The following NXPH1 variants were observed in gnomAD, a reference collection of about 807,000 sequenced individuals.
The protein encoded by NXPH1 is neurexophilin-1.
A neutral mutation model predicts 23.7 loss-of-function variants in NXPH1; 5 were observed. That is an observed-to-expected ratio of 0.21 (90% confidence interval 0.11 to 0.44). The LOEUF (loss-of-function observed/expected upper bound fraction) is 0.44, where lower values mean the gene tolerates loss of function less well. Among genes scored for constraint, NXPH1 ranks in the 20% least tolerant of loss-of-function variants. The probability of loss-of-function intolerance (pLI) is 0.99; values close to 1 mark genes in which losing one functional copy is unlikely to be tolerated. For missense variants in NXPH1, 324 were observed against 321.6 expected, an observed-to-expected ratio of 1.01 and a Z score of -0.06; for synonymous variants, 144 against 122.2, an observed-to-expected ratio of 1.18 and a Z score of -1.18.
chr7:8,551,764 G>A (rs1014524793), intron 2 of NXPH1, among the ~76,000 whole-genome samples: 1 of 151,258 alleles, frequency 6.6e-6, no homozygotes, highest in Non-Finnish European at 1.5e-5. Flanking sequence ...GCATTATAAC[G>A]ACTTTGAAGA....
At chr7:8,511,363 C>T (rs200433313) in intron 2 of NXPH1, among the ~76,000 whole-genome samples, 1 of 152,112 alleles carries the variant, frequency 6.6e-6, no homozygotes, top group South Asian at 2.1e-4. Flanking sequence ...CATTTCCTTT[C>T]TGCATGTGGA....
intron 2 of NXPH1, among the ~76,000 whole-genome samples, chr7:8,678,831 G>A (rs1164155203): frequency 6.6e-6 from 1 of 150,680 alleles, no homozygotes; most frequent in Non-Finnish European, 1.5e-5. Flanking sequence ...CCACAGCAGA[G>A]TTGCTTTGGA....
chr7:8,462,922 A>C (rs1816719387), intron 2 of NXPH1, among the ~76,000 whole-genome samples: 1 of 152,212 alleles, frequency 6.6e-6, no homozygotes, highest in African/African-American at 2.4e-5. Context: ...TAGACTAATA[A>C]AATCTCAAAG....
At chr7:8,567,454 T>G (rs531100260) in intron 2 of NXPH1, among the ~76,000 whole-genome samples, 1 of 152,074 alleles carries the variant, frequency 6.6e-6, no homozygotes. Context: ...GTATCTGATA[T>G]GCAATCCTTA....
rs761902073 is a variant in NXPH1, at chr7:8,442,051, C to T, written c.54+6284C>T. Among the ~76,000 whole-genome samples the T allele has an allele frequency of 2.6e-5, 4 of 152,034 alleles. No homozygotes were observed. Among genetic ancestry groups the T allele is most frequent in the Non-Finnish European group, 5.9e-5 (4 of 68,024 alleles). On this transcript the variant is annotated intron_variant, in intron 2 of 2. Transcript: ENST00000405863. This position sits in a 1 kb window ranked among gnomAD's most constrained non-coding sequence, Gnocchi z 4.6. ...AGCGAGATGGCGTTGGGAGCCAGGGCGTTGGGACGGCACAAGCAGTGGGGT... is the reference window on the plus strand; with the variant it reads ...AGCGAGATGGCGTTGGGAGCCAGGGTGTTGGGACGGCACAAGCAGTGGGGT...
At chr7:8,659,388 A>G (rs536355427) in intron 2 of NXPH1, among the ~76,000 whole-genome samples, 3 of 152,304 alleles carry the variant, frequency 2.0e-5, no homozygotes, top group Non-Finnish European at 2.9e-5. Flanking sequence ...GATGTGTTCA[A>G]ACATCCTCCT....
At chr7:8,511,153 C>A (rs1817604875) in intron 2 of NXPH1, among the ~76,000 whole-genome samples, 1 of 152,094 alleles carries the variant, frequency 6.6e-6, no homozygotes, top group Non-Finnish European at 1.5e-5. Context: ...AAAATTAATG[C>A]ATTATGTATA....
At chr7:8,579,369 T>G (rs1818821089) in intron 2 of NXPH1, among the ~76,000 whole-genome samples, 1 of 124,552 alleles carries the variant, frequency 8.0e-6, no homozygotes, top group South Asian at 2.3e-4. Context: ...TTTTGTTTTT[T>G]TTTTTTGTTT....
At chr7:8,700,937 A>G (rs1345878158) in intron 2 of NXPH1, among the ~76,000 whole-genome samples, 1 of 152,104 alleles carries the variant, frequency 6.6e-6, no homozygotes, top group Non-Finnish European at 1.5e-5. Context: ...AAAAAGAGTA[A>G]TATTTCATGA....
intron 2 of NXPH1, among the ~76,000 whole-genome samples, chr7:8,493,402 A>G (rs979262374): frequency 6.6e-6 from 1 of 152,052 alleles, no homozygotes; most frequent in Non-Finnish European, 1.5e-5. Context: ...AGTAATTGGT[A>G]TATCAGACTG....
intron 2 of NXPH1, among the ~76,000 whole-genome samples, chr7:8,453,460 T>G (rs527711031): frequency 6.6e-6 from 1 of 152,284 alleles, no homozygotes; most frequent in East Asian, 1.9e-4. Flanking sequence ...CTGTGGCATT[T>G]TGCAGTGGGG....
intron 2 of NXPH1, among the ~76,000 whole-genome samples, chr7:8,474,211 T>C (rs1816927727): frequency 6.6e-6 from 1 of 152,172 alleles, no homozygotes; most frequent in Non-Finnish European, 1.5e-5. Flanking sequence ...ATGAGGTGTA[T>C]AAAAATAATT....
At position 8,650,405 on chromosome 7, in the gene NXPH1, A is replaced by T. The variant is rs191863566; in HGVS notation, c.55-100603A>T. Among the ~76,000 whole-genome samples the T allele has an allele frequency of 1.6e-3, 239 of 152,306 alleles. 2 individuals carry two copies. The highest frequency in any genetic ancestry group is 5.4e-3 in the African/African-American group (223 of 41,576). Reference sequence around the variant, plus strand: ...TGTGATTTTTATAACATTTAGAAGGATGTCTTGTGATCTAAAGACACAGCT... The same window carrying T: ...TGTGATTTTTATAACATTTAGAAGGTTGTCTTGTGATCTAAAGACACAGCT... On this transcript the variant is annotated intron_variant, in intron 2 of 2. Transcript: ENST00000405863.
chr7:8,669,312 GCTGGTCTGAAAC>G (rs1362644040), intron 2 of NXPH1, among the ~76,000 whole-genome samples: 1 of 152,014 alleles, frequency 6.6e-6, no homozygotes, highest in Non-Finnish European at 1.5e-5. Flanking sequence ...CCAGCTCTGT[GCTGGTCTGAAAC>G]CTGGGGTAGT....
In NXPH1 at chr7:8,751,248, G is replaced by A. The variant is rs761710157; in HGVS notation, c.295G>A (p.Glu99Lys). 5 of 1,613,916 alleles carry A rather than the reference G, an allele frequency of 3.1e-6. No individual in the cohort carries two copies. Among genetic ancestry groups the A allele is most frequent in the East Asian group, 2.2e-5 (1 of 44,882 alleles). The change falls in exon 3 of 3, where the codon GAG becomes AAG. Residue 99 changes from glutamate (E) to lysine (K), a missense_variant. Glu to Lys is a moderately conservative substitution (Grantham distance 56). Coordinates refer to ENST00000405863, the MANE Select transcript of NXPH1 (RefSeq NM_152745.3). This position sits in a 1 kb window ranked among gnomAD's most constrained non-coding sequence, Gnocchi z 4.5. Reference sequence around the variant, plus strand: ...GCTGAGGAACTCCACAGACCTTCAAGAGCCTCGGCCCAGGGCCAAGAGAAG... The same window carrying A: ...GCTGAGGAACTCCACAGACCTTCAAAAGCCTCGGCCCAGGGCCAAGAGAAG... ...DWLRNSTDLQ[E>K]PRPRAKRRPI... is the part of the protein sequence containing the mutation.
intron 2 of NXPH1, among the ~76,000 whole-genome samples, chr7:8,590,083 G>C (rs1423476346): frequency 6.6e-6 from 1 of 152,046 alleles, no homozygotes; most frequent in East Asian, 1.9e-4. Context: ...TGAACCTGAA[G>C]CCTTGACCCA....
At chr7:8,662,517 T>A (rs1820693772) in intron 2 of NXPH1, among the ~76,000 whole-genome samples, 1 of 152,096 alleles carries the variant, frequency 6.6e-6, no homozygotes, top group East Asian at 1.9e-4. Context: ...ATTTCCTAAA[T>A]AAAAATTGTA....
intron 2 of NXPH1, among the ~76,000 whole-genome samples, chr7:8,679,434 A>G (rs1424263535): frequency 6.6e-6 from 1 of 152,166 alleles, no homozygotes; most frequent in East Asian, 1.9e-4. Flanking sequence ...TGTATCTCAT[A>G]TAATGGCCAG....
intron 2 of NXPH1, among the ~76,000 whole-genome samples, chr7:8,483,141 AC>A (rs2128610082): frequency 6.6e-6 from 1 of 152,220 alleles, no homozygotes; most frequent in South Asian, 2.1e-4. Context: ...TGTTTTAAGA[AC>A]CAAAAATTCC....
Sources: gnomAD v4.1 joint callset for allele counts (sites outside exome capture counted in the v4.1 genomes callset) on GRCh38, gnomAD v4.1.1 for gene constraint, Gnocchi (gnomAD v3.1) non-coding constraint, MANE v1.5 for transcripts, NCBI Gene and HGNC (gene_info 2026-07-23, HGNC 2026-07-21) for gene names.